UGT8: variants seen among roughly 807,000 people sequenced by gnomAD.
The protein encoded by UGT8 is UDP glycosyltransferase 8.
Under a neutral mutation model 40.5 loss-of-function variants are expected in UGT8, and 12 were observed. That is an observed-to-expected ratio of 0.30 (90% CI 0.19 to 0.48). The LOEUF is 0.48. Ranked by LOEUF, UGT8 falls within the 20% of genes least tolerant of loss-of-function variation. The pLI is 0.99. For synonymous variants in UGT8, 224 were observed against 240.4 expected, an observed-to-expected ratio of 0.93 and a Z score of 0.63; for missense variants, 513 against 648.7, an observed-to-expected ratio of 0.79 and a Z score of 2.27.
At chr4:114,664,202 G>C in intron 3 of UGT8, 65 bp downstream of exon 3, 1 of 1,559,406 alleles carries the variant, frequency 6.4e-7, no homozygotes, top group Admixed American at 1.7e-5. Context: ...TTAGTGCACA[G>C]GTCCCAGTAA....
Position 114,641,886 on chromosome 4 carries a change from C to T in UGT8, c.822+18184C>T, listed in dbSNP as rs572361929. 3.2e-4 allele frequency among the ~76,000 whole-genome samples: 48 copies of T among 151,986 alleles called. No individual in the cohort carries two copies. The South Asian group carries it at 5.6e-3, about 18-fold the overall frequency. On this transcript the variant is annotated intron_variant, in intron 2 of 5. Coordinates refer to ENST00000310836, the MANE Select transcript of UGT8 (RefSeq NM_001128174.3). ...AAAAGTTGGTAGACATTATATTTTT[C>T]GATATAGCTGTGTACTGAAAATAAA... is the stretch of plus-strand genomic sequence containing the variant.
chr4:114,664,278 C>A, intron 3 of UGT8, 141 bp downstream of exon 3: 1 of 938,212 alleles, frequency 1.1e-6, no homozygotes, highest in Non-Finnish European at 1.6e-6. Flanking sequence ...TGTTTCTTAG[C>A]TTGTTGAAAT....
chr4:114,626,909 T>C (rs959169403), intron 2 of UGT8, among the ~76,000 whole-genome samples: 2 of 152,236 alleles, frequency 1.3e-5, no homozygotes, highest in African/African-American at 4.8e-5. Context: ...ATTTATGCTT[T>C]AGAGATTTGA....
chr4:114,649,523 C>CTTCAACACTCTGCTCTA, intron 2 of UGT8, among the ~76,000 whole-genome samples: 1 of 152,132 alleles, frequency 6.6e-6, no homozygotes, highest in Admixed American at 6.5e-5. Flanking sequence ...TCAGTAGGGA[C>CTTCAACACTCTGCTCTA]CCAAGCTGCT....
At chr4:114,659,077 T>C (rs1238927952) in intron 2 of UGT8, among the ~76,000 whole-genome samples, 3 of 152,092 alleles carry the variant, frequency 2.0e-5, no homozygotes, top group East Asian at 3.9e-4. Flanking sequence ...AGGCATTTGG[T>C]ATATAATTAC....
chr4:114,623,249 G>T lies in UGT8; in HGVS notation c.369G>T (p.Leu123=), dbSNP rs763151220. The change falls in exon 2 of 6, where the codon CTG becomes CTT. Residue 123 remains leucine, a synonymous_variant. Transcript: ENST00000310836. ...NCDLMVGNHA[L]IQGLKKEKFD... ...ACCTGATGGTTGGCAACCATGCCCT[G>T]ATCCAGGGTCTGAAGAAAGAAAAAT... 1 of 1,614,170 alleles carries T rather than the reference G, an allele frequency of 6.2e-7. No homozygotes were observed. The highest frequency in any genetic ancestry group is 1.1e-5 in the South Asian group (1 of 91,086).
At chr4:114,644,827 T>C (rs575840707) in intron 2 of UGT8, among the ~76,000 whole-genome samples, 11 of 152,302 alleles carry the variant, frequency 7.2e-5, no homozygotes, top group African/African-American at 2.6e-4. Context: ...CATCTCTGCA[T>C]GGTCCCTCTA....
At chr4:114,602,590 G>A (rs1177989691) in intron 1 of UGT8, among the ~76,000 whole-genome samples, 1 of 152,196 alleles carries the variant, frequency 6.6e-6, no homozygotes, top group Non-Finnish European at 1.5e-5. Flanking sequence ...GTGCTCTGGG[G>A]ATGTGCATAC....
At chr4:114,665,822 T>G (rs1734830135) in intron 4 of UGT8, 66 bp downstream of exon 4, 1 of 1,389,948 alleles carries the variant, frequency 7.2e-7, no homozygotes, top group African/African-American at 1.5e-5. Flanking sequence ...GTGACTTTTT[T>G]TTTTTTTTTA....
At chr4:114,614,426 A>G (rs1182470741) in intron 1 of UGT8, among the ~76,000 whole-genome samples, 3 of 152,174 alleles carry the variant, frequency 2.0e-5, no homozygotes, top group African/African-American at 7.2e-5. Context: ...TTTTCATAAG[A>G]TGGCATACTA....
intron 2 of UGT8, among the ~76,000 whole-genome samples, chr4:114,642,493 T>C (rs1261735513): frequency 6.6e-6 from 1 of 152,126 alleles, no homozygotes; most frequent in Non-Finnish European, 1.5e-5. Flanking sequence ...CAGCTAAACC[T>C]GATATTTTTT....
intron 5 of UGT8, among the ~76,000 whole-genome samples, chr4:114,672,245 G>C (rs565838932): frequency 2.0e-4 from 30 of 152,308 alleles, no homozygotes; most frequent in Non-Finnish European, 3.7e-4. Context: ...TTTAGCCATT[G>C]TGGAAGACAG....
intron 1 of UGT8, among the ~76,000 whole-genome samples, chr4:114,619,092 A>T (rs187358785): frequency 2.6e-5 from 4 of 152,164 alleles, no homozygotes; most frequent in Admixed American, 2.6e-4. Flanking sequence ...TCTTCTTTTT[A>T]TATTTTTCCA....
intron 2 of UGT8, among the ~76,000 whole-genome samples, chr4:114,638,193 G>A (rs1733005674): frequency 6.6e-6 from 1 of 152,132 alleles, no homozygotes; most frequent in African/African-American, 2.4e-5. Flanking sequence ...GACTGTGTTA[G>A]CTCCTGAGAA....
chr4:114,663,713 T>C (rs1043200334), intron 2 of UGT8: 3 of 985,330 alleles, frequency 3.0e-6, no homozygotes, highest in Non-Finnish European at 3.6e-6. Flanking sequence ...TTCCAATTTT[T>C]GACCTTTTTC....
intron 2 of UGT8, among the ~76,000 whole-genome samples, chr4:114,626,521 A>C (rs1033612096): frequency 6.6e-6 from 1 of 152,224 alleles, no homozygotes; most frequent in African/African-American, 2.4e-5. Context: ...ATAAGCTTTC[A>C]CAATGTTTGA....
intron 5 of UGT8, among the ~76,000 whole-genome samples, chr4:114,669,927 C>T (rs1735126424): frequency 1.3e-5 from 2 of 152,146 alleles, no homozygotes; most frequent in Non-Finnish European, 1.5e-5. Context: ...AGTCACTTAT[C>T]TTTGTTTCCA....
intron 1 of UGT8, among the ~76,000 whole-genome samples, chr4:114,622,067 T>C (rs2126097070): frequency 6.6e-6 from 1 of 151,994 alleles, no homozygotes; most frequent in East Asian, 1.9e-4. Flanking sequence ...ACTTGTCATC[T>C]AGCATTAGGT....
chr4:114,652,768 T>C (rs1022151029), intron 2 of UGT8, among the ~76,000 whole-genome samples: 3 of 152,086 alleles, frequency 2.0e-5, no homozygotes, highest in Non-Finnish European at 4.4e-5. Flanking sequence ...CTGAGGGTCA[T>C]AGCAACCCCA....
Sources: allele counts gnomAD v4.1 joint callset (sites outside exome capture counted in the v4.1 genomes callset), GRCh38; gene constraint gnomAD v4.1.1; transcripts MANE v1.5; gene names NCBI Gene and HGNC (gene_info 2026-07-23, HGNC 2026-07-21).